Variants in CTDSPL observed in about 807,000 individuals in gnomAD.
The protein encoded by CTDSPL is CTD small phosphatase like.
In CTDSPL, 8 loss-of-function variants were observed where a neutral mutation model predicts 30.5. The ratio of observed to expected loss-of-function variants is 0.26; its 90% CI spans 0.15 to 0.47. The LOEUF (loss-of-function observed/expected upper bound fraction) is 0.47. CTDSPL is among the 20% of genes least tolerant of loss of function. The pLI is 0.99. For missense variants in CTDSPL, 248 were observed against 366.1 expected, an observed-to-expected ratio of 0.68 and a Z score of 2.63; for synonymous variants, 110 against 137.9, an observed-to-expected ratio of 0.80 and a Z score of 1.42.
chr3:37,862,198 C>T lies in CTDSPL; in HGVS notation c.-2C>T. The T allele has an allele frequency of 7.3e-7, 1 of 1,370,124 alleles. No individual in the cohort carries two copies. The highest frequency in any genetic ancestry group is 9.5e-7 in the Non-Finnish European group (1 of 1,057,114). The allele number at this position is 1,370,124 out of a possible 1,614,324, so 84.9% of individuals were successfully genotyped here. Reference sequence around the variant, plus strand: ...TGCGGGCGGCCGCCGCGCCGCGCACCCATGGACGGCCCGGCCATCATCACC... The same window carrying T: ...TGCGGGCGGCCGCCGCGCCGCGCACTCATGGACGGCCCGGCCATCATCACC... On this transcript the variant is annotated 5_prime_UTR_variant, in exon 1 of 8. Transcript: ENST00000273179. The surrounding 1 kb of genome is among the most constrained non-coding windows in gnomAD (Gnocchi z 4.3).
chr3:37,979,994 T>A (rs1331872307), intron 7 of CTDSPL, among the ~76,000 whole-genome samples: 1 of 152,242 alleles, frequency 6.6e-6, no homozygotes, highest in Non-Finnish European at 1.5e-5. Context: ...TCTTTATTAG[T>A]CCTTACTTTA....
chr3:37,950,964 T>C (rs776571403), intron 2 of CTDSPL, among the ~76,000 whole-genome samples: 11 of 152,170 alleles, frequency 7.2e-5, no homozygotes, highest in Non-Finnish European at 1.2e-4. Context: ...GACCAAGATA[T>C]CATTTATCTA....
chr3:37,893,078 A>G (rs1698346521), intron 1 of CTDSPL, among the ~76,000 whole-genome samples: 1 of 152,228 alleles, frequency 6.6e-6, no homozygotes, highest in Non-Finnish European at 1.5e-5. Context: ...TCCATTGTGC[A>G]GGCATGTGCC....
intron 1 of CTDSPL, among the ~76,000 whole-genome samples, chr3:37,900,457 A>G (rs140476779): frequency 1.3e-5 from 2 of 152,350 alleles, no homozygotes; most frequent in African/African-American, 4.8e-5. Context: ...TTTGGCTTCT[A>G]TTGATACAAA....
chr3:37,971,640 G>GGA, intron 6 of CTDSPL, 141 bp downstream of exon 6: 1 of 708,036 alleles, frequency 1.4e-6, no homozygotes, highest in Non-Finnish European at 2.4e-6. Flanking sequence ...AGATGGGATG[G>GGA]ATGCAGGCCA....
intron 1 of CTDSPL, among the ~76,000 whole-genome samples, chr3:37,933,276 T>C (rs1256300153): frequency 6.6e-6 from 1 of 152,012 alleles, no homozygotes; most frequent in Non-Finnish European, 1.5e-5. Flanking sequence ...ATTCAAAAGA[T>C]ACAAAAGGGA....
At chr3:37,869,870 T>A (rs1413042502) in intron 1 of CTDSPL, among the ~76,000 whole-genome samples, 1 of 152,180 alleles carries the variant, frequency 6.6e-6, no homozygotes, top group East Asian at 1.9e-4. Context: ...AGTCTAATCA[T>A]GTGATTTTTC....
chr3:37,902,917 T>C (rs1293106509), intron 1 of CTDSPL, among the ~76,000 whole-genome samples: 1 of 152,232 alleles, frequency 6.6e-6, no homozygotes, highest in Non-Finnish European at 1.5e-5. Context: ...TGCACAGTAT[T>C]GCACAACTCT....
chr3:37,945,026 G>A (rs1198701638), intron 1 of CTDSPL, among the ~76,000 whole-genome samples: 1 of 150,268 alleles, frequency 6.7e-6, no homozygotes, highest in Non-Finnish European at 1.5e-5. Context: ...GTGATCCAAG[G>A]ATGAAAATAG....
chr3:37,888,716 T>C (rs1273846599), intron 1 of CTDSPL, among the ~76,000 whole-genome samples: 1 of 152,246 alleles, frequency 6.6e-6, no homozygotes, highest in Non-Finnish European at 1.5e-5. Context: ...GCCAGTTTGT[T>C]TGGGGGACCA....
At chr3:37,962,718 AT>A (rs1699256993) in intron 3 of CTDSPL, among the ~76,000 whole-genome samples, 1 of 152,260 alleles carries the variant, frequency 6.6e-6, no homozygotes, top group South Asian at 2.1e-4. Context: ...TTAGTAGTTT[AT>A]AAACGCATAG....
Position 37,915,999 on chromosome 3 carries a change from C to T in CTDSPL, c.80-31058C>T, listed in dbSNP as rs577487143. Among the ~76,000 whole-genome samples, 24 of 152,304 alleles carry T rather than the reference C, an allele frequency of 1.6e-4. No homozygotes were observed. In the South Asian group the frequency reaches 5.0e-3, roughly 32 times the overall value. ...TCATTTTCAGAGATTGAGATGGCCT[C>T]TGAGAACGAGTCCACTTCTTGTGGT... On this transcript the variant is annotated intron_variant, in intron 1 of 7. Transcript: ENST00000273179.
chr3:37,867,979 T>C (rs1698031719), intron 1 of CTDSPL, among the ~76,000 whole-genome samples: 1 of 152,196 alleles, frequency 6.6e-6, no homozygotes, highest in Admixed American at 6.5e-5. Context: ...TAAAAACTGA[T>C]ATATAATATT....
At chr3:37,912,412 T>G (rs1698594161) in intron 1 of CTDSPL, among the ~76,000 whole-genome samples, 1 of 152,148 alleles carries the variant, frequency 6.6e-6, no homozygotes. Context: ...AATCTCTGGG[T>G]GAGGGAGAGG....
At chr3:37,920,817 CA>C (rs148023645) in intron 1 of CTDSPL, among the ~76,000 whole-genome samples, 8,792 of 152,282 alleles carry the variant, frequency 0.058, 286 homozygotes, top group African/African-American at 0.082. Flanking sequence ...TAGCATGAGG[CA>C]AATGGCTTGG....
chr3:37,944,772 C>CTGAA (rs1336790212), intron 1 of CTDSPL: 2 of 150,348 alleles, frequency 1.3e-5, no homozygotes, highest in Non-Finnish European at 3.0e-5. Context: ...ACTTTGGCTG[C>CTGAA]TTCACTCTTT....
At chr3:37,964,542 T>C (rs1427243026) in intron 3 of CTDSPL, 29 bp from the exon 4 acceptor site, 4 of 1,484,466 alleles carry the variant, frequency 2.7e-6, no homozygotes, top group Admixed American at 3.4e-5. Context: ...TTTACATAAA[T>C]GTAATACTGA....
At chr3:37,864,518 G>A (rs1697985058) in intron 1 of CTDSPL, among the ~76,000 whole-genome samples, 1 of 152,082 alleles carries the variant, frequency 6.6e-6, no homozygotes, top group Non-Finnish European at 1.5e-5. Flanking sequence ...TGGCTAGTAG[G>A]TCCTTCTTGC....
intron 1 of CTDSPL, among the ~76,000 whole-genome samples, chr3:37,883,649 G>T (rs1033071598): frequency 2.6e-5 from 4 of 152,224 alleles, no homozygotes; most frequent in Non-Finnish European, 4.4e-5. Flanking sequence ...GGCAGAATTT[G>T]TGAACAGGTG....
Sources: gnomAD v4.1 joint callset for allele counts (sites outside exome capture counted in the v4.1 genomes callset) on GRCh38, gnomAD v4.1.1 for gene constraint, Gnocchi (gnomAD v3.1) non-coding constraint, MANE v1.5 for transcripts, NCBI Gene and HGNC (gene_info 2026-07-23, HGNC 2026-07-21) for gene names.